The following DHX36 variants were observed in gnomAD, a reference collection of about 807,000 sequenced individuals.
DHX36 encodes the protein ATP-dependent DNA/RNA helicase DHX36.
A neutral mutation model predicts 139.0 loss-of-function variants in DHX36; 50 were observed. That is an observed-to-expected ratio of 0.36 (90% CI 0.29 to 0.46). DHX36 has a LOEUF of 0.46. Among genes scored for constraint, DHX36 ranks in the 20% least tolerant of loss-of-function variants. The pLI is 1.00. For missense variants in DHX36, 1,024 were observed against 1,211.3 expected, an observed-to-expected ratio of 0.85 and a Z score of 2.29; for synonymous variants, 425 against 401.9, an observed-to-expected ratio of 1.06 and a Z score of -0.69.
intron 16 of DHX36, among the ~76,000 whole-genome samples, chr3:154,289,336 T>G (rs1711692903): frequency 6.6e-6 from 1 of 152,208 alleles, no homozygotes; most frequent in Non-Finnish European, 1.5e-5. Flanking sequence ...AAGTAGTTTA[T>G]AATGAAGGAT....
chr3:154,310,831 ATATATATATATATATATATATG>A (rs1417316090), intron 4 of DHX36, among the ~76,000 whole-genome samples: 4 of 45,416 alleles, frequency 8.8e-5, no homozygotes, highest in African/African-American at 2.3e-4. Context: ...ATATATATAT[ATATATATATATATATATATATG>A]TATATACATA....
intron 22 of DHX36, chr3:154,280,008 ATCATAATTC>A (rs1719282189): frequency 6.6e-6 from 1 of 152,154 alleles, no homozygotes; most frequent in South Asian, 2.1e-4. Flanking sequence ...TAATGATTCA[ATCATAATTC>A]TAATACAGAG....
chr3:154,279,714 T>C (rs1719271823), intron 22 of DHX36: 1 of 152,226 alleles, frequency 6.6e-6, no homozygotes, highest in South Asian at 2.1e-4. Context: ...AAGAACAATG[T>C]CTGCACTTTG....
At position 154,292,735 on chromosome 3, in the gene DHX36, AC is replaced by A. The variant is rs761064632; in HGVS notation, c.1671-42del. 5.0e-5 allele frequency: 72 copies of A among 1,441,364 alleles called. No individual in the cohort carries two copies. In the Middle Eastern group the frequency reaches 5.3e-4, roughly 11 times the overall value. The allele number at this position is 1,441,364 out of a possible 1,614,324, so 89.3% of individuals were successfully genotyped here. A position where few individuals can be genotyped will look rare whatever the true frequency, so the allele number is the denominator to read the frequency against. ...ATATATAAAATGTTAAAACACACACACACACACACACACACACACACACACA... is the reference window on the plus strand; with the variant it reads ...ATATATAAAATGTTAAAACACACACAACACACACACACACACACACACACA... On this transcript the variant is annotated intron_variant, in intron 14 of 24. Coordinates refer to ENST00000496811, the MANE Select transcript of DHX36 (RefSeq NM_020865.3).
Position 154,324,261 on chromosome 3 carries a change from C to G in DHX36, c.156G>C (p.Arg52=). ...GGGGGRGGRG[R]HPGHLKGREI... is the part of the protein sequence containing the mutation. ...CGCGGCCTTTCAGGTGCCCGGGATGCCGGCCCCTGCCGCCTCGACCACCCC... is the reference window on the plus strand; with the variant it reads ...CGCGGCCTTTCAGGTGCCCGGGATGGCGGCCCCTGCCGCCTCGACCACCCC... Residue 52 remains arginine, a synonymous_variant, in exon 1 of 25, where the codon CGG becomes CGC. Transcript: ENST00000496811. The G allele has an allele frequency of 1.9e-6, 3 of 1,613,546 alleles. No homozygotes were observed. The highest frequency in any genetic ancestry group is 2.5e-6 in the Non-Finnish European group (3 of 1,179,736).
At chr3:154,280,912 G>A (rs1195519785) in intron 20 of DHX36, 50 bp from the exon 21 acceptor site, 1 of 1,374,962 alleles carries the variant, frequency 7.3e-7, no homozygotes, top group South Asian at 1.2e-5. Flanking sequence ...CACACATTGA[G>A]GCTATAAACC....
At position 154,309,813 on chromosome 3, in the gene DHX36, T is replaced by A; in HGVS notation, c.653A>T (p.Asn218Ile). The A allele has an allele frequency of 6.3e-7, 1 of 1,596,372 alleles. No homozygotes were observed. The highest frequency in any genetic ancestry group is 1.1e-5 in the South Asian group (1 of 87,524). Residue 218 changes from asparagine (N) to isoleucine (I), a missense_variant, in exon 5 of 25, where the codon AAT (asparagine) becomes ATT (isoleucine). Transcript: ENST00000496811. ...TGTTACCTGATGGTTATCAATTAAATTTACCAATTCCTATTTCAAAAGGGA... is the reference window on the plus strand; with the variant it reads ...TGTTACCTGATGGTTATCAATTAAAATTACCAATTCCTATTTCAAAAGGGA... ...PSYGMQKELV[N>I]LIDNHQVTVI...
intron 15 of DHX36, among the ~76,000 whole-genome samples, chr3:154,292,213 T>G (rs550856295): frequency 1.3e-3 from 194 of 152,312 alleles, no homozygotes; most frequent in African/African-American, 4.4e-3. Context: ...ATGGATCAAG[T>G]GTTCAGGAGA....
intron 5 of DHX36, among the ~76,000 whole-genome samples, chr3:154,308,033 CAT>C: frequency 6.6e-6 from 1 of 152,078 alleles, no homozygotes; most frequent in East Asian, 1.9e-4. Context: ...TATATGTGGA[CAT>C]AGAGTGTGGA....
chr3:154,318,976 T>C (rs1354940473), intron 1 of DHX36: 1 of 152,166 alleles, frequency 6.6e-6, no homozygotes, highest in African/African-American at 2.4e-5. Context: ...CATGTATGAT[T>C]AGCCCTTGAA....
intron 6 of DHX36, chr3:154,305,439 G>T: frequency 3.4e-6 from 1 of 290,244 alleles, no homozygotes; most frequent in Non-Finnish European, 6.4e-6. Flanking sequence ...ATTACTTATG[G>T]GGCCTAAATA....
chr3:154,316,602 G>A (rs1712994221), intron 1 of DHX36, among the ~76,000 whole-genome samples: 1 of 152,090 alleles, frequency 6.6e-6, no homozygotes, highest in Non-Finnish European at 1.5e-5. Context: ...ACACTAAACA[G>A]AAGAATAAAT....
intron 12 of DHX36, 96 bp downstream of exon 12, chr3:154,299,742 A>G (rs1480880439): frequency 1.2e-6 from 1 of 863,086 alleles, no homozygotes. Flanking sequence ...GTGACCTAGT[A>G]GAAGCAACAC....
At chr3:154,315,975 T>C (rs1447808301) in intron 2 of DHX36, 64 bp downstream of exon 2, 5 of 1,503,782 alleles carry the variant, frequency 3.3e-6, no homozygotes, top group Middle Eastern at 1.7e-4. Flanking sequence ...AAAATAAAGA[T>C]GTTATTTTTA....
chr3:154,286,166 C>CAAAA (rs60041573), intron 17 of DHX36, among the ~76,000 whole-genome samples: 205 of 16,514 alleles, frequency 0.012, 11 homozygotes, highest in African/African-American at 0.035. Context: ...TTCCACACAC[C>CAAAA]AAAAAAAAAA....
rs1411287105 is a variant in DHX36, at chr3:154,324,263, G to T, written c.154C>A (p.Arg52=). ...CGGCCTTTCAGGTGCCCGGGATGCCGGCCCCTGCCGCCTCGACCACCCCCT... is the reference window on the plus strand; with the variant it reads ...CGGCCTTTCAGGTGCCCGGGATGCCTGCCCCTGCCGCCTCGACCACCCCCT... The part of the protein sequence containing the change: ...GGGGGRGGRG[R]HPGHLKGREI... The change falls in exon 1 of 25, where the codon CGG becomes AGG. Residue 52 remains arginine (R), a synonymous_variant. Transcript: ENST00000496811. 1.2e-6 allele frequency: 2 copies of T among 1,613,468 alleles called. No individual in the cohort carries two copies. The highest frequency in any genetic ancestry group is 1.7e-6 in the Non-Finnish European group (2 of 1,179,754).
intron 22 of DHX36, chr3:154,279,344 A>T (rs189113201): frequency 3.5e-4 from 53 of 152,296 alleles, no homozygotes; most frequent in African/African-American, 1.2e-3. Flanking sequence ...GTCTGGACCA[A>T]AACAATGCAC....
intron 15 of DHX36, among the ~76,000 whole-genome samples, chr3:154,291,193 C>T (rs1319971406): frequency 7.1e-6 from 1 of 141,548 alleles, no homozygotes; most frequent in Non-Finnish European, 1.5e-5. Flanking sequence ...CATACTATAG[C>T]TTTTTCTGAT....
chr3:154,287,922 G>A (rs1445537962), intron 17 of DHX36, among the ~76,000 whole-genome samples: 5 of 151,964 alleles, frequency 3.3e-5, no homozygotes, highest in Non-Finnish European at 7.4e-5. Context: ...AGCATGGTTA[G>A]AATAAAAGGC....
Sources: gnomAD v4.1 joint callset for allele counts (sites outside exome capture counted in the v4.1 genomes callset) on GRCh38, gnomAD v4.1.1 for gene constraint, MANE v1.5 for transcripts, NCBI Gene and HGNC (gene_info 2026-07-23, HGNC 2026-07-21) for gene names.